The following MSRA variants were observed in gnomAD, a reference collection of about 807,000 sequenced individuals.
The protein encoded by MSRA is mitochondrial peptide methionine sulfoxide reductase.
A neutral mutation model predicts 31.3 loss-of-function variants in MSRA; 54 were observed. The observed-to-expected ratio is 1.73, with a 90% confidence interval of 1.39 to 2.17. The LOEUF (loss-of-function observed/expected upper bound fraction) is 2.17, where lower values mean the gene tolerates loss of function less well. Ranked by LOEUF, MSRA falls within the 30% of genes most tolerant of loss-of-function variation. The probability of loss-of-function intolerance (pLI) is 0.00; values close to 1 mark genes in which losing one functional copy is unlikely to be tolerated. For synonymous variants in MSRA, 169 were observed against 116.5 expected (o/e 1.45, Z -2.90); for missense variants, 507 against 300.9 (o/e 1.69, Z -5.07).
rs144784107 is a variant in MSRA at position 10,218,966 on chromosome 8, C to G, written c.211+11065C>G. ...AGGCAAAGCTCTCTCCACGGAGCAG[C>G]GATCTTCTCTCTCGTTCTTTCCCCA... On this transcript the variant is annotated intron_variant, in intron 2 of 5. Transcript: ENST00000317173. 9.9e-3 allele frequency among the ~76,000 whole-genome samples: 1,513 copies of G among 152,274 alleles called. 29 individuals carry two copies. The highest frequency in any genetic ancestry group is 0.035 in the African/African-American group (1,453 of 41,546).
intron 2 of MSRA, among the ~76,000 whole-genome samples, chr8:10,213,842 T>C (rs901030848): frequency 1.3e-5 from 2 of 152,160 alleles, no homozygotes; most frequent in African/African-American, 2.4e-5. Context: ...GGGTACATAC[T>C]CAGCAGTGGG....
intron 5 of MSRA, among the ~76,000 whole-genome samples, chr8:10,356,564 C>G (rs1039573222): frequency 1.3e-5 from 2 of 152,144 alleles, no homozygotes; most frequent in Non-Finnish European, 2.9e-5. Flanking sequence ...GAAATTTTCA[C>G]CCACAAGGTG....
chr8:10,334,664 A>C (rs190244147), intron 5 of MSRA, among the ~76,000 whole-genome samples: 1 of 152,106 alleles, frequency 6.6e-6, no homozygotes, highest in Admixed American at 6.5e-5. Context: ...CAGAGCTTTC[A>C]TGTTTGCCAC....
intron 1 of MSRA, among the ~76,000 whole-genome samples, chr8:10,144,946 C>T (rs1803012892): frequency 6.6e-6 from 1 of 151,636 alleles, no homozygotes; most frequent in Admixed American, 6.6e-5. Flanking sequence ...AAACATAAAG[C>T]TGCTGGGCTC....
chr8:10,323,276 G>A (rs1802161338), intron 5 of MSRA, among the ~76,000 whole-genome samples: 1 of 152,000 alleles, frequency 6.6e-6, no homozygotes, highest in Non-Finnish European at 1.5e-5. Flanking sequence ...TAATTATAAA[G>A]GCAGTATTTA....
intron 3 of MSRA, among the ~76,000 whole-genome samples, chr8:10,260,356 C>T (rs1371992974): frequency 6.6e-6 from 1 of 152,166 alleles, no homozygotes; most frequent in Non-Finnish European, 1.5e-5. Context: ...AGTGAGAAAG[C>T]TGCAGGAGCC....
intron 1 of MSRA, among the ~76,000 whole-genome samples, chr8:10,148,976 A>C (rs974435746): frequency 7.9e-6 from 1 of 126,772 alleles, no homozygotes; most frequent in African/African-American, 3.0e-5. Context: ...TTTTTTTTTG[A>C]GACATAGTGT....
At chr8:10,145,795 C>T (rs1242466295) in intron 1 of MSRA, among the ~76,000 whole-genome samples, 1 of 152,108 alleles carries the variant, frequency 6.6e-6, no homozygotes, top group Non-Finnish European at 1.5e-5. Context: ...TACACACATA[C>T]ACACACAGAT....
intron 1 of MSRA, among the ~76,000 whole-genome samples, chr8:10,161,769 G>C (rs907603254): frequency 6.6e-6 from 1 of 152,130 alleles, no homozygotes; most frequent in Admixed American, 6.5e-5. Context: ...CGATGGAACA[G>C]GACTGTGGCT....
chr8:10,185,532 C>T (rs1303472742), intron 1 of MSRA, among the ~76,000 whole-genome samples: 3 of 152,104 alleles, frequency 2.0e-5, no homozygotes, highest in East Asian at 1.9e-4. Context: ...CTTAGTGCTT[C>T]TGGTGGGCCG....
intron 2 of MSRA, 67 bp from the exon 3 acceptor site, chr8:10,245,037 T>G: frequency 4.6e-6 from 7 of 1,507,678 alleles, no homozygotes; most frequent in Non-Finnish European, 6.3e-6. Flanking sequence ...CAGGTGTATG[T>G]GGATGTGCAA....
chr8:10,185,509 G>A (rs1431856503), intron 1 of MSRA, among the ~76,000 whole-genome samples: 1 of 151,744 alleles, frequency 6.6e-6, no homozygotes, highest in Non-Finnish European at 1.5e-5. Context: ...TCAGCTCTGG[G>A]CACAGCTTAA....
At chr8:10,113,480 C>G (rs1392295615) in intron 1 of MSRA, among the ~76,000 whole-genome samples, 1 of 151,136 alleles carries the variant, frequency 6.6e-6, no homozygotes, top group Non-Finnish European at 1.5e-5. Flanking sequence ...GGGGATTGTG[C>G]AGAACTGACG....
chr8:10,313,184 G>C (rs1027371692), intron 4 of MSRA, among the ~76,000 whole-genome samples: 2 of 152,190 alleles, frequency 1.3e-5, no homozygotes, highest in Non-Finnish European at 2.9e-5. Context: ...ACCTGGCTCA[G>C]AAAAACCTGC....
At chr8:10,300,288 C>T (rs528379700) in intron 3 of MSRA, among the ~76,000 whole-genome samples, 1 of 151,882 alleles carries the variant, frequency 6.6e-6, no homozygotes, top group Non-Finnish European at 1.5e-5. Flanking sequence ...TGGAGTCTCA[C>T]CCTGTTGCCA....
intron 1 of MSRA, among the ~76,000 whole-genome samples, chr8:10,085,217 C>G (rs950000069): frequency 2.0e-5 from 3 of 152,122 alleles, no homozygotes; most frequent in African/African-American, 7.2e-5. Flanking sequence ...ACTGCCACAT[C>G]CTGAGCATTC....
intron 1 of MSRA, among the ~76,000 whole-genome samples, chr8:10,153,021 G>A (rs1803845039): frequency 6.6e-6 from 1 of 152,168 alleles, no homozygotes; most frequent in African/African-American, 2.4e-5. Flanking sequence ...GGGATGAAGA[G>A]CTGCTGTTTA....
intron 1 of MSRA, among the ~76,000 whole-genome samples, chr8:10,155,369 A>T (rs185590142): frequency 6.6e-6 from 1 of 152,328 alleles, no homozygotes; most frequent in East Asian, 1.9e-4. Context: ...GTATGAAGTC[A>T]TGTTAAAATA....
rs574676430 is a variant in MSRA, at chr8:10,112,586, A to G, written c.142+57928A>G. 1.5e-3 allele frequency among the ~76,000 whole-genome samples: 229 copies of G among 152,364 alleles called. 1 individual carries two copies. Among genetic ancestry groups the G allele is most frequent in the African/African-American group, 5.1e-3 (214 of 41,592 alleles). ...TGGTCAGATGCTGTGATTACATGGA[A>G]TACTCATGAAAGGATATTTCTTGAG... On this transcript the variant is annotated intron_variant, in intron 1 of 5. Transcript: ENST00000317173.
Sources: allele counts gnomAD v4.1 joint callset (sites outside exome capture counted in the v4.1 genomes callset), GRCh38; gene constraint gnomAD v4.1.1; transcripts MANE v1.5; gene names NCBI Gene and HGNC (gene_info 2026-07-23, HGNC 2026-07-21).